Variants in CCDC7 observed in about 807,000 individuals in gnomAD.
CCDC7 encodes coiled-coil domain containing 7, also known as coiled-coil domain-containing protein 7.
Under a neutral mutation model 196.9 loss-of-function variants are expected in CCDC7, and 183 were observed. The ratio of observed to expected loss-of-function variants is 0.93; its 90% CI spans 0.82 to 1.05. CCDC7 has a LOEUF of 1.05. CCDC7 is among the 50% of genes least tolerant of loss of function. The probability of loss-of-function intolerance (pLI) is 0.00; values close to 1 mark genes in which losing one functional copy is unlikely to be tolerated. For missense variants in CCDC7, 1,540 were observed against 1,482.2 expected, an observed-to-expected ratio of 1.04 and a Z score of -0.64; for synonymous variants, 525 against 484.6, an observed-to-expected ratio of 1.08 and a Z score of -1.10.
chr10:32,601,568 G>A (rs1252183429), intron 18 of CCDC7, among the ~76,000 whole-genome samples: 1 of 152,082 alleles, frequency 6.6e-6, no homozygotes, highest in Non-Finnish European at 1.5e-5. Flanking sequence ...TTCCTGGGTC[G>A]AGTGGGGACT....
intron 21 of CCDC7, among the ~76,000 whole-genome samples, chr10:32,681,101 G>C (rs1206541853): frequency 6.6e-6 from 1 of 152,160 alleles, no homozygotes; most frequent in Non-Finnish European, 1.5e-5. Flanking sequence ...CTTCAAGAAA[G>C]CCTTTGCTCA....
At chr10:32,529,627 G>C (rs1038213094) in intron 11 of CCDC7, among the ~76,000 whole-genome samples, 1 of 151,908 alleles carries the variant, frequency 6.6e-6, no homozygotes, top group Non-Finnish European at 1.5e-5. Flanking sequence ...TACTTGTTTT[G>C]TTCCTGCTAA....
At position 32,667,052 on chromosome 10, in the gene CCDC7, T is replaced by G. The variant is rs1000075002; in HGVS notation, c.2122+2891T>G. Among the ~76,000 whole-genome samples, 37 of 152,210 alleles carry G rather than the reference T, an allele frequency of 2.4e-4. 1 individual carries two copies. The highest frequency in any genetic ancestry group is 4.7e-4 in the Non-Finnish European group (32 of 68,038). On this transcript the variant is annotated intron_variant, in intron 21 of 41. Coordinates refer to ENST00000639629, the Ensembl canonical transcript of CCDC7. ...TCCAGCACCTGTTGTTTCCTGACTTTTTAATGATCACCATTCTAACTGGTG... is the reference window on the plus strand; with the variant it reads ...TCCAGCACCTGTTGTTTCCTGACTTGTTAATGATCACCATTCTAACTGGTG...
chr10:32,759,354 C>A (rs1312746755), intron 28 of CCDC7, among the ~76,000 whole-genome samples: 2 of 152,156 alleles, frequency 1.3e-5, no homozygotes, highest in East Asian at 3.9e-4. Context: ...TACTACAAGG[C>A]TACAGTAACC....
At chr10:32,532,273 T>C (rs557723451) in intron 11 of CCDC7, among the ~76,000 whole-genome samples, 1 of 152,322 alleles carries the variant, frequency 6.6e-6, no homozygotes, top group South Asian at 2.1e-4. Context: ...TAAGTGTCAT[T>C]CTTAATTTCT....
chr10:32,488,154 C>A (rs2041526961), intron 8 of CCDC7, among the ~76,000 whole-genome samples: 1 of 152,214 alleles, frequency 6.6e-6, no homozygotes, highest in African/African-American at 2.4e-5. Flanking sequence ...TTCCTGGCTG[C>A]TTTATTTACC....
chr10:32,700,746 A>C (rs2078565602), intron 24 of CCDC7, among the ~76,000 whole-genome samples: 1 of 152,164 alleles, frequency 6.6e-6, no homozygotes, highest in South Asian at 2.1e-4. Context: ...AGTGGTTTGT[A>C]GTTCTCCTTG....
rs12573278 is a variant in CCDC7, at chr10:32,792,574, G to A, written c.3014-12441G>A. On this transcript the variant is annotated intron_variant, in intron 29 of 41. Transcript: ENST00000639629. Reference sequence around the variant, plus strand: ...CTAGCACTTTGGGAGGCTGAGGTGGGCAGATCACCTGAGGTCAGGAGTTCA... The same window carrying A: ...CTAGCACTTTGGGAGGCTGAGGTGGACAGATCACCTGAGGTCAGGAGTTCA... Among the ~76,000 whole-genome samples, 3 of 152,284 alleles carry A rather than the reference G, an allele frequency of 2.0e-5. No homozygotes were observed. The East Asian group carries it at 5.8e-4, about 29-fold the overall frequency.
At chr10:32,794,879 A>G (rs1259779311) in intron 29 of CCDC7, among the ~76,000 whole-genome samples, 22 of 152,148 alleles carry the variant, frequency 1.4e-4, no homozygotes, top group Admixed American at 1.4e-3. Flanking sequence ...GTTCCATAGG[A>G]AAGTCAGCCC....
At chr10:32,535,037 G>T (rs747282839) in intron 11 of CCDC7, among the ~76,000 whole-genome samples, 1 of 151,614 alleles carries the variant, frequency 6.6e-6, no homozygotes, top group Non-Finnish European at 1.5e-5. Flanking sequence ...CATGCTTGTC[G>T]CAGGACAGAA....
intron 28 of CCDC7, among the ~76,000 whole-genome samples, chr10:32,732,598 A>G (rs957352237): frequency 6.6e-6 from 1 of 152,038 alleles, no homozygotes; most frequent in African/African-American, 2.4e-5. Context: ...TTTTTTTTAT[A>G]TACATACACA....
intron 30 of CCDC7, among the ~76,000 whole-genome samples, chr10:32,808,502 C>T (rs1454664254): frequency 3.3e-5 from 5 of 152,152 alleles, no homozygotes; most frequent in Admixed American, 3.3e-4. Flanking sequence ...GGTTGTTTCA[C>T]CACTGTGACT....
chr10:32,622,275 A>C (rs2063502272), intron 18 of CCDC7, among the ~76,000 whole-genome samples: 1 of 152,116 alleles, frequency 6.6e-6, no homozygotes, highest in Admixed American at 6.6e-5. Flanking sequence ...AGTTTTAGCT[A>C]CCCTGTCTGG....
chr10:32,658,117 A>G (rs1308798889), intron 20 of CCDC7, among the ~76,000 whole-genome samples: 2 of 152,184 alleles, frequency 1.3e-5, no homozygotes, highest in African/African-American at 2.4e-5. Flanking sequence ...ACTTTCCCAC[A>G]TCTTCCTGCC....
At chr10:32,840,323 A>G (rs994697695) in intron 33 of CCDC7, among the ~76,000 whole-genome samples, 22 of 152,056 alleles carry the variant, frequency 1.4e-4, no homozygotes, top group African/African-American at 5.1e-4. Context: ...AGGAGTTATT[A>G]CAACTTATAC....
chr10:32,444,850 G>GTTTTTTTTTTTT (rs59116319), upstream of CCDC7, among the ~76,000 whole-genome samples: 2 of 140,272 alleles, frequency 1.4e-5, no homozygotes, highest in Non-Finnish European at 3.1e-5. Context: ...ATGCCTTCAT[G>GTTTTTTTTTTTT]TTTTTTTTTT....
At chr10:32,672,880 T>C (rs570753971) in intron 21 of CCDC7, among the ~76,000 whole-genome samples, 2 of 152,328 alleles carry the variant, frequency 1.3e-5, no homozygotes, top group South Asian at 4.1e-4. Flanking sequence ...TATATTTGTT[T>C]CATAGCAGGA....
rs137947692 is a variant in CCDC7 at position 32,615,074 on chromosome 10, C to A, written c.1802-19180C>A. Among the ~76,000 whole-genome samples the A allele has an allele frequency of 2.9e-3, 436 of 152,310 alleles. 2 individuals are homozygous for A. Among genetic ancestry groups the A allele is most frequent in the Non-Finnish European group, 5.0e-3 (341 of 68,022 alleles). On this transcript the variant is annotated intron_variant, in intron 18 of 41. Transcript: ENST00000639629. ...ATACACTACATTCTCTTTATCCATT[C>A]CTCTGTTGATGGACACAGGTTGTTG...
chr10:32,568,613 G>T (rs1193752969), intron 15 of CCDC7, among the ~76,000 whole-genome samples: 1 of 152,144 alleles, frequency 6.6e-6, no homozygotes, highest in African/African-American at 2.4e-5. Flanking sequence ...AATATCTAAA[G>T]AAATATAGGA....
Sources: gnomAD v4.1 joint callset for allele counts (sites outside exome capture counted in the v4.1 genomes callset) on GRCh38, gnomAD v4.1.1 for gene constraint, MANE v1.5 for transcripts, NCBI Gene and HGNC (gene_info 2026-07-23, HGNC 2026-07-21) for gene names.